Variants in HIVEP3 observed in about 807,000 individuals in gnomAD.
HIVEP3 encodes HIVEP zinc finger 3.
A neutral mutation model predicts 152.8 loss-of-function variants in HIVEP3; 49 were observed. That is an observed-to-expected ratio of 0.32 (90% CI 0.26 to 0.41). HIVEP3 has a LOEUF of 0.41. HIVEP3 is among the 10% of genes least tolerant of loss of function. HIVEP3 has a pLI of 1.00. For synonymous variants in HIVEP3, 1,269 were observed against 1,289.0 expected, an observed-to-expected ratio of 0.98 and a Z score of 0.33; for missense variants, 2,790 against 3,103.3, an observed-to-expected ratio of 0.90 and a Z score of 2.40.
In HIVEP3 at chr1:41,580,244, A is replaced by G; in HGVS notation, c.4554T>C (p.Pro1518=). The G allele has an allele frequency of 6.2e-7, 1 of 1,613,376 alleles. No individual in the cohort carries two copies. The highest frequency in any genetic ancestry group is 8.5e-7 in the Non-Finnish European group (1 of 1,179,602). The change falls in exon 4 of 9, where the codon CCT becomes CCC. Residue 1518 remains proline, a synonymous_variant. Coordinates refer to ENST00000372583, the MANE Select transcript of HIVEP3 (RefSeq NM_024503.5). The stretch of plus-strand genomic sequence containing the variant: ...CTGGGGCTGTCCCATGGGACAATGC[A>G]GGGTGAGGGAGGGGAGGAATTTCCT... ...DTKEIPPLPH[P]ALSHGTAPGS... is the part of the protein sequence containing the mutation.
At chr1:41,792,787 G>A (rs1311559592) in intron 1 of HIVEP3, among the ~76,000 whole-genome samples, 1 of 152,206 alleles carries the variant, frequency 6.6e-6, no homozygotes, top group Non-Finnish European at 1.5e-5. Flanking sequence ...ATACACTGAA[G>A]ACAACTGGAC....
At chr1:41,605,116 A>T (rs1644800126) in intron 3 of HIVEP3, among the ~76,000 whole-genome samples, 1 of 145,778 alleles carries the variant, frequency 6.9e-6, no homozygotes, top group East Asian at 2.0e-4. Flanking sequence ...AATAAAAAAA[A>T]AAAAAAAGAG....
intron 5 of HIVEP3, among the ~76,000 whole-genome samples, chr1:41,548,031 C>T (rs1448182772): frequency 6.6e-6 from 1 of 152,178 alleles, no homozygotes; most frequent in Non-Finnish European, 1.5e-5. Context: ...CCTCCCTCCC[C>T]TTCCATCCCC....
intron 1 of HIVEP3, among the ~76,000 whole-genome samples, chr1:41,852,701 G>A (rs1182101910): frequency 2.6e-5 from 4 of 152,200 alleles, no homozygotes; most frequent in African/African-American, 7.2e-5. Flanking sequence ...TCCAGGCAAC[G>A]AGGCTCTTGG....
At chr1:41,557,519 T>G (rs1030865188) in intron 5 of HIVEP3, among the ~76,000 whole-genome samples, 1 of 151,658 alleles carries the variant, frequency 6.6e-6, no homozygotes, top group African/African-American at 2.4e-5. Context: ...AGGGATAGAG[T>G]GTGCAAAGGC....
chr1:41,889,891 CAGGCCTAGAAAGGCA>C (rs973044357), intron 1 of HIVEP3, among the ~76,000 whole-genome samples: 4 of 152,244 alleles, frequency 2.6e-5, no homozygotes, highest in African/African-American at 9.6e-5. Context: ...AACAAAGAAG[CAGGCCTAGAAAGGCA>C]AGTGGCTTGC....
At chr1:41,603,623 G>C (rs971057772) in intron 3 of HIVEP3, among the ~76,000 whole-genome samples, 2 of 152,196 alleles carry the variant, frequency 1.3e-5, no homozygotes, top group Non-Finnish European at 2.9e-5. Context: ...GCCTCCCAAA[G>C]TGCTGGGATT....
At chr1:41,566,425 T>C (rs1255306157) in intron 5 of HIVEP3, among the ~76,000 whole-genome samples, 1 of 152,180 alleles carries the variant, frequency 6.6e-6, no homozygotes, top group Non-Finnish European at 1.5e-5. Flanking sequence ...CTTCTCTCCT[T>C]GGCATCATCA....
intron 5 of HIVEP3, among the ~76,000 whole-genome samples, chr1:41,529,069 ACACT>A (rs1051435482): frequency 2.3e-4 from 21 of 89,502 alleles, no homozygotes; most frequent in African/African-American, 7.9e-4. Flanking sequence ...CCTCACCCTC[ACACT>A]CACACACATC....
At chr1:41,637,135 C>T (rs1645287328) in intron 2 of HIVEP3, among the ~76,000 whole-genome samples, 1 of 152,168 alleles carries the variant, frequency 6.6e-6, no homozygotes, top group Middle Eastern at 3.2e-3. Flanking sequence ...TGTATGTTGA[C>T]TCGGCAGCTT....
intron 1 of HIVEP3, among the ~76,000 whole-genome samples, chr1:42,011,362 G>A (rs552897298): frequency 3.3e-5 from 5 of 152,194 alleles, no homozygotes; most frequent in African/African-American, 4.8e-5. Flanking sequence ...CTAGACTCAC[G>A]TGTATAAAGT....
chr1:41,833,886 G>T (rs1278586777), intron 1 of HIVEP3, among the ~76,000 whole-genome samples: 1 of 152,146 alleles, frequency 6.6e-6, no homozygotes, highest in Admixed American at 6.5e-5. Context: ...AGAAGCTACC[G>T]AGCCTGCTCA....
intron 1 of HIVEP3, among the ~76,000 whole-genome samples, chr1:41,860,072 A>G (rs1188991977): frequency 2.0e-5 from 3 of 152,190 alleles, no homozygotes; most frequent in African/African-American, 7.2e-5. Context: ...AACCTCAAAG[A>G]AAAGATGGCT....
intron 2 of HIVEP3, among the ~76,000 whole-genome samples, chr1:41,681,939 C>A (rs1321482960): frequency 6.6e-6 from 1 of 152,192 alleles, no homozygotes; most frequent in East Asian, 1.9e-4. Flanking sequence ...TCAGGCACAT[C>A]CCTCCTTCCT....
chr1:41,805,766 G>A (rs1650567495), intron 1 of HIVEP3, among the ~76,000 whole-genome samples: 2 of 152,162 alleles, frequency 1.3e-5, no homozygotes, highest in South Asian at 4.1e-4. Context: ...ATGAATGGAC[G>A]GGAAGGAGAA....
intron 5 of HIVEP3, among the ~76,000 whole-genome samples, chr1:41,527,699 C>A (rs1405342817): frequency 1.3e-5 from 2 of 148,538 alleles, no homozygotes; most frequent in Admixed American, 6.7e-5. Flanking sequence ...CTCACCCTCA[C>A]ACACCCCCAC....
In HIVEP3 at chr1:41,524,917, G is replaced by T. The variant is rs767528092; in HGVS notation, c.5208-7C>A. On this transcript the variant is annotated splice_region_variant and splice_polypyrimidine_tract_variant and intron_variant, in intron 5 of 8. Coordinates refer to ENST00000372583, the MANE Select transcript of HIVEP3 (RefSeq NM_024503.5). Reference sequence around the variant, plus strand: ...CTCTTCGTTTGATTTGTACCTATGAGCAACAGGCGTCATAGTAAAGGGAAA... The same window carrying T: ...CTCTTCGTTTGATTTGTACCTATGATCAACAGGCGTCATAGTAAAGGGAAA... 2.5e-6 allele frequency: 4 copies of T among 1,609,648 alleles called. No homozygotes were observed. The highest frequency in any genetic ancestry group is 3.4e-6 in the Non-Finnish European group (4 of 1,176,884).
chr1:41,834,497 T>TA (rs1394042299), intron 1 of HIVEP3, among the ~76,000 whole-genome samples: 1 of 152,188 alleles, frequency 6.6e-6, no homozygotes, highest in Non-Finnish European at 1.5e-5. Flanking sequence ...AATCATCCTA[T>TA]AAAGGGTCTG....
At chr1:41,729,152 C>T (rs1437863152) in intron 1 of HIVEP3, among the ~76,000 whole-genome samples, 1 of 152,208 alleles carries the variant, frequency 6.6e-6, no homozygotes, top group Non-Finnish European at 1.5e-5. Context: ...AGGGAGTCCA[C>T]CTCCCAAGGT....
Sources: allele counts gnomAD v4.1 joint callset (sites outside exome capture counted in the v4.1 genomes callset), GRCh38; gene constraint gnomAD v4.1.1; transcripts MANE v1.5; gene names NCBI Gene and HGNC (gene_info 2026-07-23, HGNC 2026-07-21).